Variants in LSG1 observed in about 807,000 individuals in gnomAD.
The protein encoded by LSG1 is large subunit GTPase 1 homolog.
In LSG1, 55 loss-of-function variants were observed where a neutral mutation model predicts 82.6. The ratio of observed to expected loss-of-function variants is 0.67; its 90% confidence interval spans 0.54 to 0.83. The LOEUF is 0.83. LSG1 is among the 40% of genes least tolerant of loss of function. LSG1 has a pLI of 0.00. For missense variants in LSG1, 809 were observed against 807.9 expected, an observed-to-expected ratio of 1.00 and a Z score of -0.02; for synonymous variants, 272 against 282.5, an observed-to-expected ratio of 0.96 and a Z score of 0.37.
intron 4 of LSG1, among the ~76,000 whole-genome samples, chr3:194,665,931 C>T (rs1196456950): frequency 6.6e-6 from 1 of 152,158 alleles, no homozygotes; most frequent in Non-Finnish European, 1.5e-5. Flanking sequence ...AGGAGAGCAG[C>T]GATCAACTCC....
chr3:194,665,463 C>A, intron 5 of LSG1, 94 bp downstream of exon 5: 2 of 788,744 alleles, frequency 2.5e-6, no homozygotes, highest in Non-Finnish European at 4.2e-6. Flanking sequence ...TAGCTTAATT[C>A]CCATACCCTG....
At chr3:194,645,969 A>C (rs1718541900) in intron 12 of LSG1, among the ~76,000 whole-genome samples, 195 bp downstream of exon 12, 1 of 152,226 alleles carries the variant, frequency 6.6e-6, no homozygotes, top group South Asian at 2.1e-4. Context: ...TTTCACTCAT[A>C]ATAGGTGTTC....
chr3:194,649,391 G>A (rs1267716149), intron 10 of LSG1, among the ~76,000 whole-genome samples: 1 of 151,932 alleles, frequency 6.6e-6, no homozygotes, highest in Non-Finnish European at 1.5e-5. Context: ...AATTTACAGA[G>A]AAACTTAAAA....
rs753971881 is a variant in LSG1, at chr3:194,644,675, G to A, written c.1695C>T (p.Leu565=). ...CATCACTGTTCATTTTGTTCTCTAG[G>A]AGTCGCTGGTGTTGATGCTGAAAAG... ...PVTFQHQHQR[L]LENKMNSDEI... The change falls in exon 13 of 14, where the codon CTC becomes CTT. Residue 565 remains leucine (L), a synonymous_variant. Coordinates refer to ENST00000265245, the MANE Select transcript of LSG1 (RefSeq NM_018385.3). The A allele has an allele frequency of 1.2e-6, 2 of 1,610,532 alleles. No homozygotes were observed. The highest frequency in any genetic ancestry group is 4.5e-5 in the East Asian group (2 of 44,794).
At position 194,644,936 on chromosome 3, in the gene LSG1, C is replaced by T. The variant is rs545069968; in HGVS notation, c.1624-190G>A. ...ATCAATGGTCAAAGTGTTCTAGAGACCTAGCTCTTCCCATGGCGCCCCAGA... is the reference window on the plus strand; with the variant it reads ...ATCAATGGTCAAAGTGTTCTAGAGATCTAGCTCTTCCCATGGCGCCCCAGA... On this transcript the variant is annotated intron_variant, in intron 12 of 13. Transcript: ENST00000265245. The T allele has an allele frequency of 2.6e-5, 11 of 416,334 alleles. No homozygotes were observed. In the East Asian group the frequency reaches 3.5e-4, roughly 13 times the overall value. The allele number at this position is 416,334 out of a possible 1,614,324, so 25.8% of individuals were successfully genotyped here. A position where few individuals can be genotyped will look rare whatever the true frequency, so the allele number is the denominator to read the frequency against.
chr3:194,644,411 T>A lies in LSG1; in HGVS notation c.1797+162A>T, dbSNP rs571171692. On this transcript the variant is annotated intron_variant, in intron 13 of 13. Coordinates refer to ENST00000265245, the MANE Select transcript of LSG1 (RefSeq NM_018385.3). Reference sequence around the variant, plus strand: ...ATAAATAAATAAATAAATAAATAAATAAATAAATAAATAAGGTTTCTTTTG... The same window carrying A: ...ATAAATAAATAAATAAATAAATAAAAAAATAAATAAATAAGGTTTCTTTTG... 3.7e-3 allele frequency among the ~76,000 whole-genome samples: 544 copies of A among 145,804 alleles called. 9 individuals are homozygous for A. The highest frequency in any genetic ancestry group is 0.013 in the African/African-American group (511 of 39,796).
chr3:194,669,456 GAATCTGGC>G (rs1373276555), intron 2 of LSG1, among the ~76,000 whole-genome samples: 3 of 152,156 alleles, frequency 2.0e-5, no homozygotes, highest in Non-Finnish European at 4.4e-5. Context: ...GTTCTCTCCA[GAATCTGGC>G]CCTTGCCCAC....
intron 11 of LSG1, among the ~76,000 whole-genome samples, chr3:194,647,207 G>A (rs1007125624): frequency 2.0e-5 from 3 of 152,184 alleles, no homozygotes; most frequent in Admixed American, 1.3e-4. Context: ...TTGGGAGGGA[G>A]AAGACCTTCC....
chr3:194,667,190 A>G (rs1719047113), intron 2 of LSG1, among the ~76,000 whole-genome samples: 1 of 152,016 alleles, frequency 6.6e-6, no homozygotes, highest in Non-Finnish European at 1.5e-5. Context: ...AGCTGGGACT[A>G]CAGGCCCGCA....
Position 194,653,520 on chromosome 3 carries a change from A to C in LSG1, c.760-378T>G, listed in dbSNP as rs1199066588. Among the ~76,000 whole-genome samples the C allele has an allele frequency of 9.5e-3, 1,440 of 151,772 alleles. 13 individuals carry two copies. Among genetic ancestry groups the C allele is most frequent in the South Asian group, 0.012 (57 of 4,790 alleles). ...ACAGACAAGGCTCTGTCTCACAAAA[A>C]AAAAAAAAAGATGAACAGGGGACAA... On this transcript the variant is annotated intron_variant, in intron 7 of 13. Transcript: ENST00000265245.
At chr3:194,664,164 G>T (rs1718986169) in intron 5 of LSG1, among the ~76,000 whole-genome samples, 1 of 152,128 alleles carries the variant, frequency 6.6e-6, no homozygotes, top group Admixed American at 6.5e-5. Context: ...CGTTCCTCAG[G>T]CTGGTATCGA....
chr3:194,648,662 C>T lies in LSG1; in HGVS notation c.1543+19G>A, dbSNP rs1160656012. 6.2e-7 allele frequency: 1 copy of T among 1,612,472 alleles called. No individual in the cohort carries two copies. The highest frequency in any genetic ancestry group is 8.5e-7 in the Non-Finnish European group (1 of 1,179,404). ...ATACTGTTACTTTTGTTCACATTTT[C>T]TGATGAATCACAACTTACATCCATA... On this transcript the variant is annotated intron_variant, in intron 11 of 13. Transcript: ENST00000265245.
chr3:194,665,471 C>T, intron 5 of LSG1, 86 bp downstream of exon 5: 1 of 874,388 alleles, frequency 1.1e-6, no homozygotes, highest in South Asian at 1.6e-5. Flanking sequence ...TTCCCATACC[C>T]TGAGCCTATA....
At position 194,641,861 on chromosome 3, in the gene LSG1, G is replaced by A. The variant is rs542009009; in HGVS notation, c.*207C>T. 4.0e-4 allele frequency: 184 copies of A among 462,654 alleles called. No individual in the cohort carries two copies. The highest frequency in any genetic ancestry group is 5.3e-4 in the Admixed American group (14 of 26,558). 28.7% of individuals were successfully genotyped at this position (462,654 alleles called of 1,614,324 possible). A position where few individuals can be genotyped will look rare whatever the true frequency, so the allele number is the denominator to read the frequency against. On this transcript the variant is annotated 3_prime_UTR_variant, in exon 14 of 14. Transcript: ENST00000265245. ...GTGCCCGGCCAGGAGTAGGATTCTC[G>A]GGCTCCCAGATGACTCCTTTTTGTC...
rs747202354 is a variant in LSG1 at position 194,642,086 on chromosome 3, G to A, written c.1959C>T (p.Tyr653=). The stretch of plus-strand genomic sequence containing the variant: ...CCCAACCTCACATATCCAGGTGCTT[G>A]TAGAGTCTACGACTTTTTTCTTTTT... ...RNKKEKSRRL[Y]KHLDM Residue 653 remains tyrosine, a synonymous_variant, in exon 14 of 14, where the codon TAC becomes TAT. Transcript: ENST00000265245. The A allele has an allele frequency of 1.9e-6, 3 of 1,612,574 alleles. No homozygotes were observed. Among genetic ancestry groups the A allele is most frequent in the East Asian group, 4.5e-5 (2 of 44,884 alleles).
chr3:194,652,620 T>C, intron 8 of LSG1, 109 bp downstream of exon 8: 1 of 1,209,702 alleles, frequency 8.3e-7, no homozygotes, highest in Non-Finnish European at 1.2e-6. Context: ...GAGGGCAATG[T>C]TCCCTACGAT....
intron 10 of LSG1, chr3:194,649,005 T>C (rs1358065224): frequency 4.1e-6 from 2 of 483,536 alleles, no homozygotes; most frequent in Non-Finnish European, 7.2e-6. Context: ...TCCCACGACT[T>C]TTCCATATGA....
Position 194,672,062 on chromosome 3 carries a change from A to C in LSG1, c.99+2T>G, listed in dbSNP as rs1444233525. The C allele has an allele frequency of 2.0e-5, 32 of 1,611,776 alleles. No homozygotes were observed. Among genetic ancestry groups the C allele is most frequent in the Non-Finnish European group, 2.7e-5 (32 of 1,179,262 alleles). ...TAAGAAAGATGACATGGTCTGTCTT[A>C]CCCAGGAGTCAGTGTGACGATGGCT... On this transcript the variant is annotated splice_donor_variant, in intron 1 of 13. Coordinates refer to ENST00000265245, the MANE Select transcript of LSG1 (RefSeq NM_018385.3). LOFTEE classifies it high-confidence loss of function.
intron 5 of LSG1, among the ~76,000 whole-genome samples, chr3:194,664,865 A>G (rs997423600): frequency 6.6e-6 from 1 of 152,160 alleles, no homozygotes; most frequent in African/African-American, 2.4e-5. Flanking sequence ...GGTTGTGGTG[A>G]GCTGAGATCG....
Sources: allele counts gnomAD v4.1 joint callset (sites outside exome capture counted in the v4.1 genomes callset), GRCh38; gene constraint gnomAD v4.1.1; transcripts MANE v1.5; gene names NCBI Gene and HGNC (gene_info 2026-07-23, HGNC 2026-07-21).